PDE7B: variants seen among roughly 807,000 people sequenced by gnomAD.
PDE7B encodes phosphodiesterase 7B, also known as 3',5'-cyclic-AMP phosphodiesterase 7B.
A neutral mutation model predicts 56.2 loss-of-function variants in PDE7B; 29 were observed. The observed-to-expected ratio is 0.52, with a 90% confidence interval of 0.38 to 0.70. PDE7B has a LOEUF of 0.70. Ranked by LOEUF, PDE7B falls within the 30% of genes least tolerant of loss-of-function variation. PDE7B has a pLI of 0.00. For missense variants in PDE7B, 490 were observed against 565.0 expected, an observed-to-expected ratio of 0.87 and a Z score of 1.35; for synonymous variants, 197 against 196.9, an observed-to-expected ratio of 1.00 and a Z score of 0.00.
intron 1 of PDE7B, among the ~76,000 whole-genome samples, chr6:135,906,814 T>TTTTTTTTTTTTTTTTTTG (rs1776117397): frequency 6.7e-5 from 9 of 134,506 alleles, no homozygotes; most frequent in African/African-American, 3.0e-4. Context: ...AGGTTTGTTT[T>TTTTTTTTTTTTTTTTTTG]TTTTTTTTTT....
intron 2 of PDE7B, among the ~76,000 whole-genome samples, chr6:136,018,350 C>T (rs888894648): frequency 6.6e-6 from 1 of 152,214 alleles, no homozygotes; most frequent in East Asian, 1.9e-4. Flanking sequence ...GAAAGACAGA[C>T]TGATTTTCCT....
intron 2 of PDE7B, among the ~76,000 whole-genome samples, chr6:135,965,846 C>G (rs1467900475): frequency 3.9e-5 from 6 of 152,048 alleles, no homozygotes; most frequent in African/African-American, 1.4e-4. Context: ...TTGAGGAGTC[C>G]TCATGAGGAC....
In PDE7B at chr6:135,961,281, A is replaced by ATGTGTGTG. The variant is rs771473679; in HGVS notation, c.82+13783_82+13790dup. 7.9e-3 allele frequency among the ~76,000 whole-genome samples: 708 copies of ATGTGTGTG among 89,488 alleles called. 5 individuals carry two copies. The highest frequency in any genetic ancestry group is 0.037 in the Middle Eastern group (7 of 190). The allele number at this position is 89,488 out of a possible 152,430, so 58.7% of individuals were successfully genotyped here. A position where few individuals can be genotyped will look rare whatever the true frequency, so the allele number is the denominator to read the frequency against. On this transcript the variant is annotated intron_variant, in intron 2 of 12. Transcript: ENST00000308191. ...TGTGTGTGTGTGTGTGTGTGTGTGTATGTGTGTGTGTGTGTGTGTGTGTGT... is the reference window on the plus strand; with the variant it reads ...TGTGTGTGTGTGTGTGTGTGTGTGTATGTGTGTGTGTGTGTGTGTGTGTGTGTGTGTGT...
intron 3 of PDE7B, among the ~76,000 whole-genome samples, chr6:136,125,004 G>A (rs941465314): frequency 2.6e-5 from 4 of 152,102 alleles, no homozygotes; most frequent in African/African-American, 9.7e-5. Flanking sequence ...CAATATTGAG[G>A]ATTTTAGTAA....
chr6:136,189,610 T>C (rs1352037850), intron 12 of PDE7B, among the ~76,000 whole-genome samples: 2 of 152,050 alleles, frequency 1.3e-5, no homozygotes, highest in African/African-American at 4.8e-5. Flanking sequence ...AGGTATTAAA[T>C]CAAATGAAGC....
chr6:136,178,952 G>T, intron 9 of PDE7B, 45 bp from the exon 10 acceptor site: 1 of 1,606,558 alleles, frequency 6.2e-7, no homozygotes, highest in South Asian at 1.1e-5. Flanking sequence ...TCATCAAAGG[G>T]ATTTGCTTTG....
intron 2 of PDE7B, among the ~76,000 whole-genome samples, chr6:136,055,257 T>A (rs1046187301): frequency 1.3e-5 from 2 of 152,208 alleles, no homozygotes; most frequent in African/African-American, 4.8e-5. Context: ...ATGTTTTATG[T>A]GTGGGGAGTG....
At chr6:135,961,728 C>A (rs1222764740) in intron 2 of PDE7B, among the ~76,000 whole-genome samples, 1 of 152,106 alleles carries the variant, frequency 6.6e-6, no homozygotes, top group Non-Finnish European at 1.5e-5. Context: ...ATAAACAAAA[C>A]CCTGGTTCAT....
chr6:135,908,819 G>T (rs1389252635), intron 1 of PDE7B, among the ~76,000 whole-genome samples: 1 of 152,114 alleles, frequency 6.6e-6, no homozygotes, highest in Non-Finnish European at 1.5e-5. Context: ...AGAAAGAAAA[G>T]AAAGAGAATA....
intron 1 of PDE7B, among the ~76,000 whole-genome samples, chr6:135,927,514 G>A (rs140749406): frequency 5.9e-5 from 9 of 152,150 alleles, no homozygotes; most frequent in East Asian, 1.9e-4. Context: ...CTTCCTGTCC[G>A]TGGGTATGGA....
intron 2 of PDE7B, chr6:136,038,359 G>T (rs1246824728): frequency 3.9e-6 from 5 of 1,291,874 alleles, no homozygotes; most frequent in Non-Finnish European, 3.0e-6. Context: ...CAGAAGGTGT[G>T]CTGCCCTCCT....
chr6:135,924,468 G>T (rs1289581899), intron 1 of PDE7B, among the ~76,000 whole-genome samples: 1 of 152,070 alleles, frequency 6.6e-6, no homozygotes, highest in Non-Finnish European at 1.5e-5. Flanking sequence ...TGAAAAGCAA[G>T]GTGACGTGTC....
chr6:135,976,362 T>A (rs1263698186), intron 2 of PDE7B, among the ~76,000 whole-genome samples: 3 of 152,070 alleles, frequency 2.0e-5, no homozygotes, highest in African/African-American at 7.2e-5. Flanking sequence ...TCAGCCCCCA[T>A]AAAGGCCCTC....
intron 8 of PDE7B, chr6:136,165,684 A>G (rs1778781646): frequency 1.3e-5 from 2 of 152,160 alleles, no homozygotes; most frequent in South Asian, 4.1e-4. Context: ...TTCCAGTGAG[A>G]AGATAGAATG....
intron 1 of PDE7B, among the ~76,000 whole-genome samples, chr6:135,894,169 T>C (rs1037653887): frequency 2.4e-4 from 37 of 152,198 alleles, no homozygotes; most frequent in African/African-American, 8.7e-4. Context: ...CACATCTATA[T>C]GCTTTATTTC....
At chr6:136,146,835 A>G (rs562832704) in intron 3 of PDE7B, among the ~76,000 whole-genome samples, 202 of 152,330 alleles carry the variant, frequency 1.3e-3, no homozygotes, top group African/African-American at 4.7e-3. Flanking sequence ...TTCCAAAATT[A>G]CATTCTGAAA....
chr6:135,909,668 T>A lies in PDE7B; in HGVS notation c.22-37796T>A, dbSNP rs564061317. Reference sequence around the variant, plus strand: ...CTCTTTGTATGATAGTTCATAATAATCATATATGTTATTTTTATATTTTTA... The same window carrying A: ...CTCTTTGTATGATAGTTCATAATAAACATATATGTTATTTTTATATTTTTA... On this transcript the variant is annotated intron_variant, in intron 1 of 12. Coordinates refer to ENST00000308191, the MANE Select transcript of PDE7B (RefSeq NM_018945.4). Among the ~76,000 whole-genome samples the A allele has an allele frequency of 2.2e-4, 33 of 152,256 alleles. No homozygotes were observed. In the South Asian group the frequency reaches 6.2e-3, roughly 29 times the overall value.
At chr6:136,052,327 G>A (rs1489152371) in intron 2 of PDE7B, among the ~76,000 whole-genome samples, 1 of 152,154 alleles carries the variant, frequency 6.6e-6, no homozygotes, top group African/African-American at 2.4e-5. Context: ...AAGATTTGCT[G>A]GGAAGAAAGA....
chr6:135,981,397 T>C lies in PDE7B; in HGVS notation c.82+33873T>C, dbSNP rs150505142. Among the ~76,000 whole-genome samples the C allele has an allele frequency of 9.1e-3, 1,385 of 151,920 alleles. 16 individuals carry two copies. Among genetic ancestry groups the C allele is most frequent in the Middle Eastern group, 0.034 (10 of 294 alleles). On this transcript the variant is annotated intron_variant, in intron 2 of 12. Coordinates refer to ENST00000308191, the MANE Select transcript of PDE7B (RefSeq NM_018945.4). ...CATGTACACATATGTAACTAACCTGTACATTGTGCAGCACATGTACCCTAA... is the reference window on the plus strand; with the variant it reads ...CATGTACACATATGTAACTAACCTGCACATTGTGCAGCACATGTACCCTAA...
Sources: allele counts gnomAD v4.1 joint callset (sites outside exome capture counted in the v4.1 genomes callset), GRCh38; gene constraint gnomAD v4.1.1; transcripts MANE v1.5; gene names NCBI Gene and HGNC (gene_info 2026-07-23, HGNC 2026-07-21).